Variants in CCT2 observed in about 807,000 individuals in gnomAD.
The protein encoded by CCT2 is chaperonin containing TCP1 subunit 2, also known as T-complex protein 1 subunit beta.
CCT2 carries 18 observed loss-of-function variants against 61.8 expected under a neutral mutation model. That is an observed-to-expected ratio of 0.29 (90% CI 0.20 to 0.43). The LOEUF (loss-of-function observed/expected upper bound fraction) is 0.43. Among genes scored for constraint, CCT2 ranks in the 20% least tolerant of loss-of-function variants. CCT2 has a pLI of 1.00. For synonymous variants in CCT2, 248 were observed against 215.9 expected, an observed-to-expected ratio of 1.15 and a Z score of -1.30; for missense variants, 556 against 656.9, an observed-to-expected ratio of 0.85 and a Z score of 1.68.
At chr12:69,586,180 T>C (rs1593093348) in intron 1 of CCT2, 90 bp from the exon 2 acceptor site, 2 of 1,143,706 alleles carry the variant, frequency 1.7e-6, no homozygotes, top group East Asian at 4.7e-5. Flanking sequence ...TTCTCTTAGA[T>C]GTCCACTTGT....
chr12:69,585,644 CA>C, intron 1 of CCT2, 120 bp downstream of exon 1: 1 of 1,542,924 alleles, frequency 6.5e-7, no homozygotes, highest in Admixed American at 2.0e-5. Flanking sequence ...GCCCTCCGCA[CA>C]TGGTGCGAGC....
intron 15 of CCT2, 76 bp downstream of exon 15, chr12:69,600,080 A>G: frequency 7.6e-7 from 1 of 1,318,634 alleles, no homozygotes; most frequent in Non-Finnish European, 1.0e-6. Flanking sequence ...TTATAATTAG[A>G]GTTAATGAAA....
chr12:69,594,443 A>G (rs942956373), intron 10 of CCT2, among the ~76,000 whole-genome samples: 4 of 152,254 alleles, frequency 2.6e-5, no homozygotes, highest in African/African-American at 9.6e-5. Context: ...AACAATCAAC[A>G]TTGTATAATG....
intron 3 of CCT2, 115 bp from the exon 4 acceptor site, chr12:69,587,390 A>G (rs1881697948): frequency 1.6e-6 from 1 of 614,052 alleles, no homozygotes; most frequent in Non-Finnish European, 2.8e-6. Context: ...AATGGATACC[A>G]CAAAATAGCT....
At chr12:69,593,825 C>A (rs976383723) in intron 10 of CCT2, among the ~76,000 whole-genome samples, 1 of 152,120 alleles carries the variant, frequency 6.6e-6, no homozygotes, top group Non-Finnish European at 1.5e-5. Flanking sequence ...AGATTTCTTT[C>A]ATTGTGTCAC....
At chr12:69,598,551 T>A (rs1882059756) in intron 14 of CCT2, 130 bp downstream of exon 14, 2 of 483,492 alleles carry the variant, frequency 4.1e-6, no homozygotes, top group Non-Finnish European at 7.4e-6. Context: ...GTCCTCATAA[T>A]CATTACATGT....
chr12:69,600,695 T>G (rs1394821550), intron 15 of CCT2, among the ~76,000 whole-genome samples: 1 of 152,172 alleles, frequency 6.6e-6, no homozygotes, highest in Non-Finnish European at 1.5e-5. Flanking sequence ...AGTTTATCTC[T>G]CTATATGATC....
chr12:69,588,455 T>A (rs1359850074), intron 6 of CCT2, 193 bp downstream of exon 6: 1 of 542,582 alleles, frequency 1.8e-6, no homozygotes, highest in East Asian at 3.0e-5. Flanking sequence ...AGTCTTTTTG[T>A]ATATATCATC....
chr12:69,589,324 A>T (rs567441601), intron 6 of CCT2, 161 bp from the exon 7 acceptor site: 1 of 607,858 alleles, frequency 1.6e-6, no homozygotes, highest in African/African-American at 1.9e-5. Flanking sequence ...GGAAAATAAC[A>T]TCTTTAATTT....
intron 2 of CCT2, 55 bp from the exon 3 acceptor site, chr12:69,586,698 C>A: frequency 8.4e-6 from 10 of 1,190,264 alleles, no homozygotes; most frequent in Admixed American, 2.3e-5. Flanking sequence ...AAAGATAAAA[C>A]TGTACTTGAA....
intron 14 of CCT2, 50 bp from the exon 15 acceptor site, chr12:69,599,813 T>G: frequency 1.4e-6 from 2 of 1,477,352 alleles, no homozygotes; most frequent in African/African-American, 1.4e-5. Context: ...TAGAGATGTT[T>G]TGATACTTTA....
At position 69,598,358 on chromosome 12, in the gene CCT2, A is replaced by G. The variant is rs552597117; in HGVS notation, c.1372A>G (p.Ser458Gly). ...TIIADNAGYD[S>G]ADLVAQLRAA... ...CATAGCTGACAATGCAGGCTATGACAGTGCAGACCTGGTGGCACAGCTCAG... is the reference window on the plus strand; with the variant it reads ...CATAGCTGACAATGCAGGCTATGACGGTGCAGACCTGGTGGCACAGCTCAG... The change falls in exon 14 of 16, where the codon AGT becomes GGT. Residue 458 changes from serine (S) to glycine (G), a missense_variant. This residue lies in a region of CCT2 where 225 missense variants were observed against 249.8 expected (regional missense o/e 0.90). Transcript: ENST00000299300. The G allele has an allele frequency of 2.5e-6, 4 of 1,603,134 alleles. No homozygotes were observed. The South Asian group carries it at 3.4e-5, about 14-fold the overall frequency.
At chr12:69,593,813 A>G (rs774338619) in intron 10 of CCT2, among the ~76,000 whole-genome samples, 200 bp downstream of exon 10, 3 of 152,286 alleles carry the variant, frequency 2.0e-5, no homozygotes, top group Admixed American at 1.3e-4. Flanking sequence ...TGCCGTAGGT[A>G]TAGATTTCTT....
chr12:69,593,306 A>G (rs1298029531), intron 9 of CCT2, among the ~76,000 whole-genome samples: 1 of 152,252 alleles, frequency 6.6e-6, no homozygotes, highest in Non-Finnish European at 1.5e-5. Context: ...CAGTTACTAT[A>G]ATAAAGAACA....
In CCT2 at chr12:69,597,735, T is replaced by A; in HGVS notation, c.1200T>A (p.Thr400=). 1.2e-6 allele frequency: 2 copies of A among 1,613,670 alleles called. No individual in the cohort carries two copies. The highest frequency in any genetic ancestry group is 1.7e-6 in the Non-Finnish European group (2 of 1,179,566). ...LHDALCVLAQ[T]VKDSRTVYGG... Reference sequence around the variant, plus strand: ...ATGCTCTTTGTGTTCTTGCGCAAACTGTAAAGGACTCTAGAACAGTTTATG... The same window carrying A: ...ATGCTCTTTGTGTTCTTGCGCAAACAGTAAAGGACTCTAGAACAGTTTATG... The change falls in exon 12 of 16, where the codon ACT becomes ACA. Residue 400 remains threonine (T), a synonymous_variant. Transcript: ENST00000299300.
intron 7 of CCT2, among the ~76,000 whole-genome samples, chr12:69,590,580 G>A (rs1198090930): frequency 6.6e-6 from 1 of 152,068 alleles, no homozygotes; most frequent in Admixed American, 6.5e-5. Flanking sequence ...ATTAGATGGT[G>A]CTTTACAACT....
In CCT2 at chr12:69,586,215, G is replaced by C. The variant is rs371275276; in HGVS notation, c.4-55G>C. ...TAAGACTAGTGGAAGGCACCTCAGT[G>C]TATGTGTTAGAGTATTGGTACTTAA... On this transcript the variant is annotated intron_variant, in intron 1 of 15. Transcript: ENST00000299300. The C allele has an allele frequency of 1.5e-4, 195 of 1,318,508 alleles. 2 individuals carry two copies. The highest frequency in any genetic ancestry group is 1.8e-4 in the Non-Finnish European group (162 of 910,712). The allele number at this position is 1,318,508 out of a possible 1,614,324, so 81.7% of individuals were successfully genotyped here.
intron 11 of CCT2, 127 bp downstream of exon 11, chr12:69,597,402 A>T (rs1882022752): frequency 2.4e-6 from 3 of 1,224,780 alleles, no homozygotes; most frequent in Non-Finnish European, 3.5e-6. Flanking sequence ...CATGATACAT[A>T]CTTTGTTTCA....
At chr12:69,599,838 T>A (rs770813135) in intron 14 of CCT2, 25 bp from the exon 15 acceptor site, 2 of 1,587,258 alleles carry the variant, frequency 1.3e-6, no homozygotes, top group African/African-American at 2.7e-5. Context: ...AAACTGCTTT[T>A]TAGTAAATTT....
Sources: gnomAD v4.1 joint callset for allele counts (sites outside exome capture counted in the v4.1 genomes callset) on GRCh38, gnomAD v4.1.1 for gene constraint, gnomAD v4.1.1 regional missense constraint, MANE v1.5 for transcripts, NCBI Gene and HGNC (gene_info 2026-07-23, HGNC 2026-07-21) for gene names.